The following DLGAP2 variants were observed in gnomAD, a reference collection of about 807,000 sequenced individuals.
The protein encoded by DLGAP2 is disks large-associated protein 2.
In DLGAP2, 26 loss-of-function variants were observed where a neutral mutation model predicts 100.3. That is an observed-to-expected ratio of 0.26 (90% CI 0.19 to 0.36). The LOEUF (loss-of-function observed/expected upper bound fraction) is 0.36, where lower values mean the gene tolerates loss of function less well. DLGAP2 is among the 10% of genes least tolerant of loss of function. The probability of loss-of-function intolerance (pLI) is 1.00; values close to 1 mark genes in which losing one functional copy is unlikely to be tolerated. For missense variants in DLGAP2, 1,858 were observed against 1,453.2 expected, an observed-to-expected ratio of 1.28 and a Z score of -4.53; for synonymous variants, 886 against 630.1, an observed-to-expected ratio of 1.41 and a Z score of -6.08.
chr8:1,356,063 C>T (rs1021610735), intron 3 of DLGAP2, among the ~76,000 whole-genome samples: 1 of 152,206 alleles, frequency 6.6e-6, no homozygotes, highest in Non-Finnish European at 1.5e-5. Flanking sequence ...ATGGGGCGGC[C>T]CTCACACTAC....
At chr8:1,133,044 C>A (rs1796329961) in intron 2 of DLGAP2, among the ~76,000 whole-genome samples, 1 of 152,132 alleles carries the variant, frequency 6.6e-6, no homozygotes, top group African/African-American at 2.4e-5. Flanking sequence ...TGGTGGGGTC[C>A]TTAGTCGGGG....
chr8:1,177,631 G>A (rs1011075517), intron 2 of DLGAP2, among the ~76,000 whole-genome samples: 1 of 152,110 alleles, frequency 6.6e-6, no homozygotes, highest in Non-Finnish European at 1.5e-5. Context: ...GTCCATTTGG[G>A]CAGCTGTCAC....
intron 3 of DLGAP2, among the ~76,000 whole-genome samples, chr8:1,299,164 A>G (rs73170434): frequency 0.025 from 3,836 of 152,352 alleles, 60 homozygotes; most frequent in Middle Eastern, 0.054. Context: ...ACCAAATGCA[A>G]GATGGCATTT....
intron 1 of DLGAP2, among the ~76,000 whole-genome samples, chr8:864,391 C>T (rs1797451475): frequency 6.6e-6 from 1 of 152,044 alleles, no homozygotes; most frequent in Non-Finnish European, 1.5e-5. Context: ...CACTACACAC[C>T]CTAATTTGTC....
chr8:986,503 A>T (rs1800491449), intron 2 of DLGAP2, among the ~76,000 whole-genome samples: 1 of 152,060 alleles, frequency 6.6e-6, no homozygotes, highest in Non-Finnish European at 1.5e-5. Context: ...ATAATTTCTT[A>T]CTTAGAGTTA....
intron 2 of DLGAP2, among the ~76,000 whole-genome samples, chr8:1,252,203 C>A (rs1002775491): frequency 1.3e-5 from 2 of 150,614 alleles, no homozygotes; most frequent in African/African-American, 4.9e-5. Flanking sequence ...TGTCATGTCA[C>A]ACTTGTCACA....
chr8:1,274,294 C>G (rs992076178), intron 3 of DLGAP2, among the ~76,000 whole-genome samples: 3 of 152,144 alleles, frequency 2.0e-5, no homozygotes, highest in African/African-American at 7.2e-5. Context: ...GCACGCATGA[C>G]ACAACCACAC....
At chr8:1,521,862 GTC>G (rs1429311064) in intron 4 of DLGAP2, among the ~76,000 whole-genome samples, 1 of 149,644 alleles carries the variant, frequency 6.7e-6, no homozygotes, top group Non-Finnish European at 1.5e-5. Context: ...GATTTGGGGC[GTC>G]TCTGGTTTGC....
intron 2 of DLGAP2, among the ~76,000 whole-genome samples, chr8:1,098,560 C>T (rs1279959784): frequency 6.6e-6 from 1 of 151,482 alleles, no homozygotes; most frequent in Non-Finnish European, 1.5e-5. Context: ...CCCCACCCTG[C>T]GATGGCCACC....
chr8:1,518,596 A>T (rs977540893), intron 4 of DLGAP2, among the ~76,000 whole-genome samples: 1 of 152,106 alleles, frequency 6.6e-6, no homozygotes, highest in African/African-American at 2.4e-5. Context: ...CCACGTGGTG[A>T]TTTCGGCCCA....
At chr8:1,242,626 G>A (rs972352830) in intron 2 of DLGAP2, among the ~76,000 whole-genome samples, 9 of 152,218 alleles carry the variant, frequency 5.9e-5, no homozygotes, top group Non-Finnish European at 7.3e-5. Context: ...ACTTGTTGCC[G>A]TTGACCTTGT....
chr8:1,700,089 A>G (rs1799524908), intron 14 of DLGAP2, among the ~76,000 whole-genome samples: 1 of 152,186 alleles, frequency 6.6e-6, no homozygotes, highest in South Asian at 2.1e-4. Flanking sequence ...GTCACGTAAA[A>G]CAAGCCGAGG....
chr8:1,040,853 C>T (rs1038621323), intron 2 of DLGAP2, among the ~76,000 whole-genome samples: 9 of 152,170 alleles, frequency 5.9e-5, no homozygotes, highest in African/African-American at 9.7e-5. Context: ...TCACTGACTC[C>T]GAGGTGAGCT....
intron 1 of DLGAP2, among the ~76,000 whole-genome samples, chr8:835,997 T>C (rs1796866774): frequency 6.6e-6 from 1 of 152,196 alleles, no homozygotes; most frequent in Non-Finnish European, 1.5e-5. Flanking sequence ...GTTCCTTCCT[T>C]GGAAGACTTT....
At chr8:771,750 A>C (rs1022135086) in intron 1 of DLGAP2, among the ~76,000 whole-genome samples, 3 of 152,234 alleles carry the variant, frequency 2.0e-5, no homozygotes, top group Non-Finnish European at 4.4e-5. Context: ...TTTTAAAATG[A>C]CTTTGTTTAA....
chr8:872,726 T>G (rs575651249), intron 1 of DLGAP2, among the ~76,000 whole-genome samples: 5 of 152,194 alleles, frequency 3.3e-5, no homozygotes, highest in Non-Finnish European at 7.3e-5. Context: ...TTTTATTATA[T>G]TCAAAGAGGT....
intron 2 of DLGAP2, among the ~76,000 whole-genome samples, chr8:1,131,822 CAT>C (rs1478501651): frequency 1.3e-5 from 2 of 152,156 alleles, no homozygotes; most frequent in African/African-American, 4.8e-5. Flanking sequence ...TTTTTGGGGA[CAT>C]CTGAGTTATT....
At chr8:1,049,751 A>G (rs543118930) in intron 2 of DLGAP2, among the ~76,000 whole-genome samples, 1 of 135,798 alleles carries the variant, frequency 7.4e-6, no homozygotes, top group Non-Finnish European at 1.5e-5. Context: ...GAACAGAGAC[A>G]CACAGACGGT....
intron 1 of DLGAP2, among the ~76,000 whole-genome samples, chr8:853,997 C>G (rs1280169851): frequency 6.6e-6 from 1 of 152,130 alleles, no homozygotes; most frequent in Non-Finnish European, 1.5e-5. Flanking sequence ...CACCTCCTAC[C>G]TAGCAAGGAC....
Sources: allele counts gnomAD v4.1 joint callset (sites outside exome capture counted in the v4.1 genomes callset), GRCh38; gene constraint gnomAD v4.1.1; transcripts MANE v1.5; gene names NCBI Gene and HGNC (gene_info 2026-07-23, HGNC 2026-07-21).